ZNF804B: variants seen among roughly 807,000 people sequenced by gnomAD.
ZNF804B encodes the protein zinc finger 804B.
Under a neutral mutation model 101.4 loss-of-function variants are expected in ZNF804B, and 80 were observed. The ratio of observed to expected loss-of-function variants is 0.79; its 90% CI spans 0.66 to 0.95. ZNF804B has a LOEUF of 0.95. Among genes scored for constraint, ZNF804B ranks in the 40% least tolerant of loss-of-function variants. ZNF804B has a pLI of 0.00. For synonymous variants in ZNF804B, 622 were observed against 558.8 expected (o/e 1.11, Z -1.59); for missense variants, 1,673 against 1,561.9 (o/e 1.07, Z -1.20).
intron 1 of ZNF804B, among the ~76,000 whole-genome samples, chr7:88,895,424 A>G (rs1177493930): frequency 6.6e-6 from 1 of 152,236 alleles, no homozygotes; most frequent in Non-Finnish European, 1.5e-5. Context: ...AGATACTGAT[A>G]GATATACCTA....
chr7:89,125,489 A>T (rs1256738553), intron 1 of ZNF804B, among the ~76,000 whole-genome samples: 2 of 152,072 alleles, frequency 1.3e-5, no homozygotes, highest in Non-Finnish European at 2.9e-5. Flanking sequence ...CATTAAAAAA[A>T]TTCTAACAGT....
chr7:88,877,226 A>G (rs1242374772), intron 1 of ZNF804B, among the ~76,000 whole-genome samples: 4 of 150,020 alleles, frequency 2.7e-5, no homozygotes, highest in Admixed American at 1.3e-4. Context: ...GGGAAAATAG[A>G]ATTTTAAAAA....
intron 1 of ZNF804B, among the ~76,000 whole-genome samples, chr7:88,878,011 A>T (rs1193406463): frequency 1.3e-5 from 2 of 152,200 alleles, no homozygotes; most frequent in Non-Finnish European, 2.9e-5. Flanking sequence ...TGTAAAAAAG[A>T]TGCGGTTAAA....
At position 89,219,799 on chromosome 7, in the gene ZNF804B, G is replaced by T. The variant is rs539641778; in HGVS notation, c.249+1504G>T. 6.6e-5 allele frequency among the ~76,000 whole-genome samples: 10 copies of T among 150,562 alleles called. No individual in the cohort carries two copies. The South Asian group carries it at 2.1e-3, about 31-fold the overall frequency. On this transcript the variant is annotated intron_variant, in intron 2 of 3. Transcript: ENST00000333190. ...CAGATTAAACAAAAATAAATCTTTC[G>T]TCAGACATCACTAGCATTATATTGA...
intron 1 of ZNF804B, among the ~76,000 whole-genome samples, chr7:89,060,244 C>A (rs1789359159): frequency 6.6e-6 from 1 of 152,116 alleles, no homozygotes; most frequent in African/African-American, 2.4e-5. Flanking sequence ...CATATTGGTT[C>A]TGTCTCTCTG....
intron 1 of ZNF804B, among the ~76,000 whole-genome samples, chr7:88,785,523 A>G (rs1790288349): frequency 6.6e-6 from 1 of 152,076 alleles, no homozygotes; most frequent in South Asian, 2.1e-4. Flanking sequence ...ATGCATAACT[A>G]ACCATAGTAT....
intron 1 of ZNF804B, among the ~76,000 whole-genome samples, chr7:89,068,639 G>T (rs1789490450): frequency 6.6e-6 from 1 of 152,176 alleles, no homozygotes; most frequent in African/African-American, 2.4e-5. Flanking sequence ...ATAAACGGGA[G>T]ATGCTATAGT....
At chr7:88,867,813 T>G (rs1791754688) in intron 1 of ZNF804B, among the ~76,000 whole-genome samples, 1 of 152,198 alleles carries the variant, frequency 6.6e-6, no homozygotes. Flanking sequence ...ATGAGACAGT[T>G]GCTATAATTA....
intron 1 of ZNF804B, among the ~76,000 whole-genome samples, chr7:88,789,563 T>C (rs1479423833): frequency 6.6e-6 from 1 of 152,158 alleles, no homozygotes; most frequent in Non-Finnish European, 1.5e-5. Flanking sequence ...TTTTGGGTTC[T>C]CTCTGTATGC....
chr7:88,948,847 T>G (rs535116717), intron 1 of ZNF804B, among the ~76,000 whole-genome samples: 82 of 152,066 alleles, frequency 5.4e-4, no homozygotes, highest in Admixed American at 9.2e-4. Flanking sequence ...TATTTTAGGT[T>G]TGTGCTTTTT....
At chr7:88,782,098 A>AGT (rs879516206) in intron 1 of ZNF804B, among the ~76,000 whole-genome samples, 2,554 of 132,174 alleles carry the variant, frequency 0.019, 30 homozygotes, top group Admixed American at 0.027. Flanking sequence ...CTTTTGTGTG[A>AGT]GTGCGTGTGT....
At chr7:88,860,885 G>A (rs1791634675) in intron 1 of ZNF804B, among the ~76,000 whole-genome samples, 1 of 152,160 alleles carries the variant, frequency 6.6e-6, no homozygotes, top group Non-Finnish European at 1.5e-5. Flanking sequence ...TATTGATTAA[G>A]TAGTGTTGCT....
At chr7:89,021,509 T>A (rs941057607) in intron 1 of ZNF804B, among the ~76,000 whole-genome samples, 1 of 152,200 alleles carries the variant, frequency 6.6e-6, no homozygotes, top group African/African-American at 2.4e-5. Context: ...CCAACCTGAT[T>A]GTGTGTCTGC....
intron 1 of ZNF804B, among the ~76,000 whole-genome samples, chr7:88,924,181 G>T (rs1053573862): frequency 6.6e-6 from 1 of 152,028 alleles, no homozygotes; most frequent in African/African-American, 2.4e-5. Context: ...TCATATGTGA[G>T]ATTTACAATT....
intron 1 of ZNF804B, among the ~76,000 whole-genome samples, chr7:88,805,624 A>G (rs1431285299): frequency 2.0e-5 from 3 of 152,192 alleles, no homozygotes; most frequent in Non-Finnish European, 4.4e-5. Flanking sequence ...TGTGAAGACA[A>G]TTTTGTGAAA....
intron 1 of ZNF804B, among the ~76,000 whole-genome samples, chr7:88,886,759 T>A (rs896996249): frequency 1.3e-5 from 2 of 151,602 alleles, no homozygotes; most frequent in African/African-American, 4.9e-5. Context: ...TTATGAAAAG[T>A]AAAAAACTAA....
intron 1 of ZNF804B, among the ~76,000 whole-genome samples, chr7:88,958,207 G>C (rs1793340110): frequency 6.6e-6 from 1 of 151,304 alleles, no homozygotes; most frequent in South Asian, 2.1e-4. Context: ...GATAATGACA[G>C]TAATTTCTTT....
At chr7:89,272,916 G>GAGGGCAGT (rs1414587491) in intron 2 of ZNF804B, among the ~76,000 whole-genome samples, 3 of 151,820 alleles carry the variant, frequency 2.0e-5, no homozygotes, top group African/African-American at 7.3e-5. Context: ...CCTTTATACT[G>GAGGGCAGT]CCCTCTTGTT....
intron 1 of ZNF804B, among the ~76,000 whole-genome samples, chr7:89,031,967 GTT>G (rs35786544): frequency 7.3e-5 from 11 of 150,496 alleles, no homozygotes; most frequent in East Asian, 3.9e-4. Context: ...TGTGCAATAG[GTT>G]TTTTTTTTTC....
Sources: gnomAD v4.1 joint callset for allele counts (sites outside exome capture counted in the v4.1 genomes callset) on GRCh38, gnomAD v4.1.1 for gene constraint, MANE v1.5 for transcripts, NCBI Gene and HGNC (gene_info 2026-07-23, HGNC 2026-07-21) for gene names.